The following ZNF385D variants were observed in gnomAD, a reference collection of about 807,000 sequenced individuals.
The protein encoded by ZNF385D is zinc finger protein 385D.
ZNF385D carries 15 observed loss-of-function variants against 35.8 expected under a neutral mutation model. The ratio of observed to expected loss-of-function variants is 0.42; its 90% CI spans 0.28 to 0.64. The LOEUF (loss-of-function observed/expected upper bound fraction) is 0.64, where lower values mean the gene tolerates loss of function less well. Ranked by LOEUF, ZNF385D falls within the 30% of genes least tolerant of loss-of-function variation. ZNF385D has a pLI of 0.23. For missense variants in ZNF385D, 474 were observed against 494.6 expected, an observed-to-expected ratio of 0.96 and a Z score of 0.39; for synonymous variants, 212 against 186.8, an observed-to-expected ratio of 1.13 and a Z score of -1.10.
intron 2 of ZNF385D, among the ~76,000 whole-genome samples, chr3:22,185,765 C>A (rs1396703734): frequency 6.6e-6 from 1 of 152,164 alleles, no homozygotes; most frequent in Non-Finnish European, 1.5e-5. Flanking sequence ...CATGCCCTGT[C>A]CACTTTCTTT....
At chr3:22,232,214 C>T (rs1698934987) in intron 2 of ZNF385D, among the ~76,000 whole-genome samples, 1 of 152,082 alleles carries the variant, frequency 6.6e-6, no homozygotes, top group Admixed American at 6.6e-5. Context: ...GAATCATTAT[C>T]CCCCTACCTT....
At chr3:21,542,787 C>T (rs1375844998) in intron 3 of ZNF385D, 1 of 152,218 alleles carries the variant, frequency 6.6e-6, no homozygotes, top group Non-Finnish European at 1.5e-5. Flanking sequence ...AAGCCTCGAT[C>T]GGGGAACTCT....
chr3:21,676,340 C>T (rs780843923), intron 1 of ZNF385D, among the ~76,000 whole-genome samples: 2 of 152,118 alleles, frequency 1.3e-5, no homozygotes, highest in East Asian at 1.9e-4. Context: ...TGTTTAGTCT[C>T]GGCCTCAATG....
intron 4 of ZNF385D, among the ~76,000 whole-genome samples, chr3:21,478,080 T>G (rs1217163118): frequency 6.6e-6 from 1 of 152,130 alleles, no homozygotes; most frequent in Non-Finnish European, 1.5e-5. Context: ...ATTTATAGCC[T>G]CTGTGAAAGT....
chr3:22,242,216 A>T (rs1335397178), intron 2 of ZNF385D, among the ~76,000 whole-genome samples: 1 of 150,938 alleles, frequency 6.6e-6, no homozygotes, highest in African/African-American at 2.5e-5. Context: ...CCTAAAACTT[A>T]AAGTATAATA....
intron 3 of ZNF385D, among the ~76,000 whole-genome samples, chr3:21,895,974 T>C (rs1699114602): frequency 6.6e-6 from 1 of 152,194 alleles, no homozygotes; most frequent in African/African-American, 2.4e-5. Context: ...ACCAAAATTT[T>C]TGCGGTTTCG....
chr3:21,848,452 A>G (rs927947952), intron 3 of ZNF385D, among the ~76,000 whole-genome samples: 4 of 151,270 alleles, frequency 2.6e-5, no homozygotes, highest in African/African-American at 9.8e-5. Context: ...AAATATATAA[A>G]TAAAATTGAG....
At chr3:22,340,057 C>T (rs1695354062) in intron 2 of ZNF385D, among the ~76,000 whole-genome samples, 1 of 152,028 alleles carries the variant, frequency 6.6e-6, no homozygotes, top group South Asian at 2.1e-4. Flanking sequence ...TTCATAGATT[C>T]AATTAAAAAT....
At chr3:21,454,612 G>A (rs1909964) in intron 4 of ZNF385D, among the ~76,000 whole-genome samples, 1 of 151,820 alleles carries the variant, frequency 6.6e-6, no homozygotes. Flanking sequence ...AGCTATTTAT[G>A]ACAAACCCAC....
intron 3 of ZNF385D, among the ~76,000 whole-genome samples, chr3:21,816,311 T>C (rs1042779037): frequency 6.6e-6 from 1 of 152,080 alleles, no homozygotes; most frequent in African/African-American, 2.4e-5. Context: ...TGCAAAATAG[T>C]GTTGGAAGTT....
At chr3:22,066,682 G>C (rs111547593) in intron 3 of ZNF385D, among the ~76,000 whole-genome samples, 16 of 152,036 alleles carry the variant, frequency 1.1e-4, no homozygotes, top group African/African-American at 3.6e-4. Flanking sequence ...AACAAGGTTA[G>C]AAGAGGAAAA....
chr3:21,978,167 A>G (rs2291821), intron 3 of ZNF385D: 125,394 of 152,188 alleles, frequency 0.82, 52,578 homozygotes, highest in African/African-American at 0.95. Flanking sequence ...TGTCTTTGAA[A>G]CCTTTTATGC....
intron 2 of ZNF385D, among the ~76,000 whole-genome samples, chr3:21,654,696 A>G (rs528134526): frequency 1.3e-5 from 2 of 152,210 alleles, no homozygotes; most frequent in Admixed American, 6.5e-5. Flanking sequence ...ATAAAATGAA[A>G]TAGACTTACA....
intron 2 of ZNF385D, among the ~76,000 whole-genome samples, chr3:21,594,744 A>G (rs1257848754): frequency 1.3e-5 from 2 of 152,156 alleles, no homozygotes; most frequent in African/African-American, 2.4e-5. Flanking sequence ...AAACTTTTCA[A>G]TAAGTTTAAT....
chr3:21,984,755 G>T, intron 3 of ZNF385D, among the ~76,000 whole-genome samples: 2 of 119,436 alleles, frequency 1.7e-5, no homozygotes, highest in African/African-American at 3.1e-5. Flanking sequence ...ATTACCTTGG[G>T]CAGTATGGCC....
intron 4 of ZNF385D, among the ~76,000 whole-genome samples, chr3:21,444,767 GCA>G (rs1444885494): frequency 6.6e-6 from 1 of 151,972 alleles, no homozygotes; most frequent in Non-Finnish European, 1.5e-5. Flanking sequence ...ATTTGAGAGG[GCA>G]ATGTGAGAAT....
At chr3:22,041,818 G>T (rs1457307166) in intron 3 of ZNF385D, among the ~76,000 whole-genome samples, 1 of 152,012 alleles carries the variant, frequency 6.6e-6, no homozygotes, top group African/African-American at 2.4e-5. Context: ...CTTAAGGAAT[G>T]GTTGAAAAAA....
At chr3:21,504,708 A>G (rs565368904) in intron 4 of ZNF385D, among the ~76,000 whole-genome samples, 38 of 152,190 alleles carry the variant, frequency 2.5e-4, no homozygotes, top group Admixed American at 3.3e-4. Context: ...TCCGTGTTTT[A>G]GAACTACAGT....
intron 1 of ZNF385D, among the ~76,000 whole-genome samples, chr3:21,695,104 G>A (rs2067425392): frequency 6.6e-6 from 1 of 152,132 alleles, no homozygotes; most frequent in African/African-American, 2.4e-5. Context: ...CATAGGAGTT[G>A]TGTATAAATG....
Sources: allele counts gnomAD v4.1 joint callset (sites outside exome capture counted in the v4.1 genomes callset), GRCh38; gene constraint gnomAD v4.1.1; transcripts MANE v1.5; gene names NCBI Gene and HGNC (gene_info 2026-07-23, HGNC 2026-07-21).